PPFIBP2: variants seen among roughly 807,000 people sequenced by gnomAD.
The protein encoded by PPFIBP2 is liprin-beta-2.
In PPFIBP2, 118 loss-of-function variants were observed where a neutral mutation model predicts 118.3. That is an observed-to-expected ratio of 1.00 (90% CI 0.86 to 1.16). The LOEUF is 1.16. Among genes scored for constraint, PPFIBP2 ranks in the 50% most tolerant of loss-of-function variants. The pLI, the probability that PPFIBP2 is intolerant of heterozygous loss-of-function variation, is 0.00. For synonymous variants in PPFIBP2, 414 were observed against 397.4 expected, an observed-to-expected ratio of 1.04 and a Z score of -0.50; for missense variants, 1,195 against 1,073.1, an observed-to-expected ratio of 1.11 and a Z score of -1.59.
At chr11:7,575,751 C>T (rs1275801097) in intron 3 of PPFIBP2, among the ~76,000 whole-genome samples, 1 of 152,226 alleles carries the variant, frequency 6.6e-6, no homozygotes, top group African/African-American at 2.4e-5. Context: ...AAAAACCAAC[C>T]TACTGACCCC....
chr11:7,647,106 T>G (rs886336605), intron 17 of PPFIBP2, among the ~76,000 whole-genome samples: 4 of 152,248 alleles, frequency 2.6e-5, no homozygotes, highest in African/African-American at 9.6e-5. Context: ...GGGGCATTCT[T>G]ATCATGCTTA....
At chr11:7,641,687 T>C in intron 16 of PPFIBP2, 67 bp downstream of exon 16, 1 of 1,492,394 alleles carries the variant, frequency 6.7e-7, no homozygotes, top group Non-Finnish European at 9.2e-7. Context: ...GCAAAGAGTC[T>C]ATGTAAGCCC....
intron 3 of PPFIBP2, among the ~76,000 whole-genome samples, chr11:7,587,343 A>G (rs1035208545): frequency 3.3e-5 from 5 of 152,240 alleles, no homozygotes; most frequent in Non-Finnish European, 7.3e-5. Context: ...TGCCACTTTA[A>G]GCAAATCAAG....
chr11:7,658,725 G>T (rs1854821525), downstream of PPFIBP2, among the ~76,000 whole-genome samples: 1 of 53,304 alleles, frequency 1.9e-5, no homozygotes, highest in East Asian at 4.4e-4. Flanking sequence ...TCGCCACACT[G>T]ACTTCCACAA....
At position 7,577,541 on chromosome 11, in the gene PPFIBP2, A is replaced by T. The variant is rs1476102318; in HGVS notation, c.279+11774A>T. The T allele has an allele frequency of 8.8e-6, 4 of 456,490 alleles. No individual in the cohort carries two copies. The East Asian group carries it at 2.8e-4, about 32-fold the overall frequency. The allele number at this position is 456,490 out of a possible 1,614,324, so 28.3% of individuals were successfully genotyped here. A position where few individuals can be genotyped will look rare whatever the true frequency, so the allele number is the denominator to read the frequency against. Reference sequence around the variant, plus strand: ...AGGAGAGAACTGGTCTCCAGCCAGGAAAAGGGCTTTTTCCACCAAGGCATC... The same window carrying T: ...AGGAGAGAACTGGTCTCCAGCCAGGTAAAGGGCTTTTTCCACCAAGGCATC... On this transcript the variant is annotated intron_variant, in intron 3 of 23. Transcript: ENST00000299492.
intron 3 of PPFIBP2, among the ~76,000 whole-genome samples, chr11:7,579,962 C>A (rs1370027790): frequency 1.1e-4 from 17 of 150,054 alleles, no homozygotes; most frequent in African/African-American, 3.7e-4. Context: ...AAAAAAAAAA[C>A]AAAAAAAACA....
the PPFIBP2 span, among the ~76,000 whole-genome samples, chr11:7,663,569 T>C: frequency 1.8e-4 from 28 of 152,212 alleles, no homozygotes; most frequent in South Asian, 8.3e-4. Flanking sequence ...GACAGGGACA[T>C]TTAAGTCTGT....
chr11:7,577,324 T>TGTGTGTGC (rs752880454), intron 3 of PPFIBP2: 128 of 266,884 alleles, frequency 4.8e-4, no homozygotes, highest in African/African-American at 3.0e-3. Context: ...TATGTGCGTG[T>TGTGTGTGC]GTGTGTGTGT....
chr11:7,649,403 C>A, intron 20 of PPFIBP2, 129 bp from the exon 21 acceptor site: 1 of 1,318,770 alleles, frequency 7.6e-7, no homozygotes, highest in Non-Finnish European at 1.1e-6. Context: ...CTGTGATAAG[C>A]TATTGGTGTC....
At chr11:7,593,765 C>G (rs1287204071) in intron 4 of PPFIBP2, among the ~76,000 whole-genome samples, 1 of 152,170 alleles carries the variant, frequency 6.6e-6, no homozygotes, top group Non-Finnish European at 1.5e-5. Flanking sequence ...GCTCCAAAAC[C>G]TTTTACGGAG....
At chr11:7,657,090 C>A, downstream of PPFIBP2, 1 of 278,908 alleles carries the variant, frequency 3.6e-6, no homozygotes, top group Non-Finnish European at 7.2e-6. Flanking sequence ...CATATCAGCA[C>A]ACAGACTCGA....
intron 7 of PPFIBP2, among the ~76,000 whole-genome samples, chr11:7,623,161 T>C (rs1354992039): frequency 6.6e-6 from 1 of 152,186 alleles, no homozygotes; most frequent in African/African-American, 2.4e-5. Flanking sequence ...CCTGATTCCC[T>C]GCAGAGAAAA....
At chr11:7,600,463 C>T (rs1861231940) in intron 5 of PPFIBP2, among the ~76,000 whole-genome samples, 1 of 152,236 alleles carries the variant, frequency 6.6e-6, no homozygotes. Flanking sequence ...AAACACTTGC[C>T]TGATTTGACT....
At position 7,589,717 on chromosome 11, in the gene PPFIBP2, C is replaced by T. The variant is rs559606109; in HGVS notation, c.280-3415C>T. On this transcript the variant is annotated intron_variant, in intron 3 of 23. Transcript: ENST00000299492. Reference sequence around the variant, plus strand: ...ATGGTTTTTGCAACCTGACTTCATGCGTGGAGAGCTGGGCAACTGCTCTAT... The same window carrying T: ...ATGGTTTTTGCAACCTGACTTCATGTGTGGAGAGCTGGGCAACTGCTCTAT... Among the ~76,000 whole-genome samples the T allele has an allele frequency of 8.5e-5, 13 of 152,254 alleles. 1 individual carries two copies. The South Asian group carries it at 2.1e-3, about 24-fold the overall frequency.
downstream of PPFIBP2, among the ~76,000 whole-genome samples, chr11:7,654,467 T>G (rs188252471): frequency 5.3e-5 from 8 of 152,322 alleles, no homozygotes; most frequent in African/African-American, 1.9e-4. Flanking sequence ...ATGACTCCAT[T>G]CCATTGTAGC....
chr11:7,535,774 G>A (rs1851149362), intron 1 of PPFIBP2, among the ~76,000 whole-genome samples: 1 of 152,172 alleles, frequency 6.6e-6, no homozygotes, highest in Non-Finnish European at 1.5e-5. Flanking sequence ...CAGTGCCCTG[G>A]TTCTGAATAC....
intron 3 of PPFIBP2, among the ~76,000 whole-genome samples, chr11:7,582,745 G>A (rs1198617304): frequency 6.6e-6 from 1 of 150,704 alleles, no homozygotes; most frequent in Non-Finnish European, 1.5e-5. Flanking sequence ...GCCAAACTGA[G>A]ATGAGTCTCT....
chr11:7,534,851 C>T (rs1342206526), intron 1 of PPFIBP2, among the ~76,000 whole-genome samples: 1 of 152,250 alleles, frequency 6.6e-6, no homozygotes, highest in Non-Finnish European at 1.5e-5. Flanking sequence ...TCCCAGACCG[C>T]CTTCCTGGCC....
chr11:7,592,792 C>T (rs559105582), intron 3 of PPFIBP2, among the ~76,000 whole-genome samples: 8 of 152,188 alleles, frequency 5.3e-5, no homozygotes, highest in African/African-American at 7.2e-5. Flanking sequence ...CCCTCATTGT[C>T]GCCATGCCTC....
Sources: gnomAD v4.1 joint callset for allele counts (sites outside exome capture counted in the v4.1 genomes callset) on GRCh38, gnomAD v4.1.1 for gene constraint, MANE v1.5 for transcripts, NCBI Gene and HGNC (gene_info 2026-07-23, HGNC 2026-07-21) for gene names.